The following KANK2 variants were observed in gnomAD, a reference collection of about 807,000 sequenced individuals.
The protein encoded by KANK2 is KN motif and ankyrin repeat domains 2.
KANK2 carries 41 observed loss-of-function variants against 74.6 expected under a neutral mutation model. The observed-to-expected ratio is 0.55, with a 90% CI of 0.43 to 0.71. The LOEUF is 0.71. Ranked by LOEUF, KANK2 falls within the 30% of genes least tolerant of loss-of-function variation. The pLI is 0.00. For missense variants in KANK2, 1,148 were observed against 1,196.4 expected (o/e 0.96, Z 0.60); for synonymous variants, 537 against 519.0 (o/e 1.03, Z -0.47).
intron 4 of KANK2, among the ~76,000 whole-genome samples, chr19:11,179,153 T>G (rs2078437734): frequency 6.6e-6 from 1 of 150,970 alleles, no homozygotes; most frequent in African/African-American, 2.4e-5. Context: ...CCGTCTCCAC[T>G]AAAAATAGAA....
In KANK2 at chr19:11,193,707, C is replaced by T. The variant is rs1159338225; in HGVS notation, c.373G>A (p.Glu125Lys). 1.2e-6 allele frequency: 2 copies of T among 1,611,944 alleles called. No homozygotes were observed. The highest frequency in any genetic ancestry group is 3.3e-5 in the Admixed American group (2 of 60,002). The change falls in exon 4 of 13, where the codon GAG becomes AAG. Residue 125 changes from glutamate to lysine, a missense_variant. By Grantham distance (56) the Glu-to-Lys change is moderately conservative (BLOSUM62 1). Coordinates refer to ENST00000586659, the MANE Select transcript of KANK2 (RefSeq NM_001136191.3). The surrounding 1 kb of genome is among the most constrained non-coding windows in gnomAD (Gnocchi z 9.6). ...CGACGGGCATCCAGCAGCGTGCGCT[C>T]CACCCGCGGATTGAAGCCACCGCGG... is the stretch of plus-strand genomic sequence containing the variant. ...ETRGGFNPRV[E>K]RTLLDARRRL...
At chr19:11,167,933 T>C (rs2078067700) in intron 12 of KANK2, among the ~76,000 whole-genome samples, 1 of 151,800 alleles carries the variant, frequency 6.6e-6, no homozygotes, top group Non-Finnish European at 1.5e-5. Context: ...CTTCTCCAGG[T>C]GTTGACTCAA....
chr19:11,192,789 C>A (rs749955357), intron 4 of KANK2, 42 bp downstream of exon 4: 9 of 1,576,638 alleles, frequency 5.7e-6, no homozygotes, highest in South Asian at 2.2e-5. Flanking sequence ...AGAGGCCCCC[C>A]CCCCCCAAGC....
chr19:11,178,798 G>A, intron 4 of KANK2, 78 bp from the exon 5 acceptor site: 2 of 1,349,288 alleles, frequency 1.5e-6, no homozygotes, highest in Non-Finnish European at 2.0e-6. Flanking sequence ...ATACACCCTG[G>A]GCCAGGAGCT....
Position 11,170,624 on chromosome 19 carries a change from C to A in KANK2, c.2212-376G>T, listed in dbSNP as rs2078147627. ...TTTATTTTAGAGACAGGGTCTTGCT[C>A]TGTTGCCCAGGTTGGCGTGCAGTGG... On this transcript the variant is annotated intron_variant, in intron 10 of 12. Transcript: ENST00000586659. This position sits in a 1 kb window ranked among gnomAD's most constrained non-coding sequence, Gnocchi z 5.2. 6.6e-6 allele frequency among the ~76,000 whole-genome samples: 1 copy of A among 152,226 alleles called. No homozygotes were observed. Among genetic ancestry groups the A allele is most frequent in the South Asian group, 2.1e-4 (1 of 4,830 alleles).
chr19:11,180,416 T>C (rs1002855982), intron 4 of KANK2, among the ~76,000 whole-genome samples: 3 of 151,870 alleles, frequency 2.0e-5, no homozygotes, highest in African/African-American at 7.3e-5. Context: ...TTTTTTGCCA[T>C]ATACAGTGAC....
At chr19:11,175,641 C>T (rs1459011299) in intron 8 of KANK2, among the ~76,000 whole-genome samples, 1 of 150,600 alleles carries the variant, frequency 6.6e-6, no homozygotes, top group African/African-American at 2.4e-5. Flanking sequence ...ATCTGGGTGC[C>T]CCGCCCCTGA....
chr19:11,170,005 T>C lies in KANK2; in HGVS notation c.2413-39A>G, dbSNP rs1237891374. ...GGTGCTATGAATGACGTCCCCATGC[T>C]GTGCTCCCGCCCTCCCCGGGGTGCA... On this transcript the variant is annotated intron_variant, in intron 11 of 12. Coordinates refer to ENST00000586659, the MANE Select transcript of KANK2 (RefSeq NM_001136191.3). This position sits in a 1 kb window ranked among gnomAD's most constrained non-coding sequence, Gnocchi z 5.2. 6 of 1,612,226 alleles carry C rather than the reference T, an allele frequency of 3.7e-6. No homozygotes were observed. Among genetic ancestry groups the C allele is most frequent in the African/African-American group, 1.3e-5 (1 of 74,922 alleles).
At chr19:11,178,214 T>C in intron 6 of KANK2, 131 bp downstream of exon 6, 1 of 709,246 alleles carries the variant, frequency 1.4e-6, no homozygotes, top group Admixed American at 4.3e-5. Context: ...CTCATCTCTG[T>C]GTTGTGGTTT....
In KANK2 at chr19:11,174,819, G is replaced by A. The variant is rs189691018; in HGVS notation, c.1849-127C>T. On this transcript the variant is annotated intron_variant, in intron 8 of 12. Transcript: ENST00000586659. ...CCTGGAAAACGATCTCAAGGGAAGT[G>A]CAGACCCTCCCAAAGGGAAGTGTAG... is the stretch of plus-strand genomic sequence containing the variant. The A allele has an allele frequency of 3.6e-3, 2,614 of 719,966 alleles. 5 individuals are homozygous for A. Among genetic ancestry groups the A allele is most frequent in the Non-Finnish European group, 5.0e-3 (2,094 of 422,858 alleles). 44.6% of individuals were successfully genotyped at this position (719,966 alleles called of 1,614,324 possible).
intron 2 of KANK2, 152 bp from the exon 3 acceptor site, chr19:11,194,742 G>A: frequency 2.1e-6 from 1 of 474,418 alleles, no homozygotes; most frequent in Non-Finnish European, 3.9e-6. Flanking sequence ...CTGCGGAAGG[G>A]CCCCCCCCGA....
chr19:11,173,325 A>C (rs2078233115), intron 9 of KANK2, among the ~76,000 whole-genome samples: 1 of 152,014 alleles, frequency 6.6e-6, no homozygotes, highest in South Asian at 2.1e-4. Context: ...CCTCCATCAG[A>C]TTTGGGGCCC....
rs377011452 is a variant in KANK2 at position 11,176,829 on chromosome 19, C to A, written c.1521-12G>T. The A allele has an allele frequency of 2.3e-5, 34 of 1,493,248 alleles. No homozygotes were observed. The African/African-American group carries it at 3.9e-4, about 17-fold the overall frequency. 92.5% of individuals were successfully genotyped at this position (1,493,248 alleles called of 1,614,324 possible). ...ATGACGACTCATACCTGGGGAGGAA[C>A]GAGCGGGGAGGGGGAGATGCTGCAG... On this transcript the variant is annotated splice_polypyrimidine_tract_variant and intron_variant, in intron 6 of 12. Transcript: ENST00000586659.
At position 11,170,339 on chromosome 19, in the gene KANK2, C is replaced by G; in HGVS notation, c.2212-91G>C. On this transcript the variant is annotated intron_variant, in intron 10 of 12. Coordinates refer to ENST00000586659, the MANE Select transcript of KANK2 (RefSeq NM_001136191.3). The surrounding 1 kb of genome is among the most constrained non-coding windows in gnomAD (Gnocchi z 5.2). ...GAACCTGCTGTAGCTCCCACATACTCTGATGGTGAAATGTACCCTCAACTT... is the reference window on the plus strand; with the variant it reads ...GAACCTGCTGTAGCTCCCACATACTGTGATGGTGAAATGTACCCTCAACTT... The G allele has an allele frequency of 5.0e-6, 5 of 1,004,010 alleles. No individual in the cohort carries two copies. Among genetic ancestry groups the G allele is most frequent in the Middle Eastern group, 3.0e-4 (1 of 3,348 alleles). The allele number at this position is 1,004,010 out of a possible 1,614,324, so 62.2% of individuals were successfully genotyped here.
rs59342063 is a variant in KANK2 at position 11,184,374 on chromosome 19, T to TCAAAAACAAAAA, written c.1250-5666_1250-5655dup. Among the ~76,000 whole-genome samples the TCAAAAACAAAAA allele has an allele frequency of 2.7e-5, 4 of 148,206 alleles. 1 individual carries two copies. The highest frequency in any genetic ancestry group is 2.1e-4 in the South Asian group (1 of 4,672). ...CTGGATGACAGAGCGAAACTCTGTCTCAAAAACAAAAACAAAAACAAAAAT... is the reference window on the plus strand; with the variant it reads ...CTGGATGACAGAGCGAAACTCTGTCTCAAAAACAAAAACAAAAACAAAAACAAAAACAAAAAT... On this transcript the variant is annotated intron_variant, in intron 4 of 12. Coordinates refer to ENST00000586659, the MANE Select transcript of KANK2 (RefSeq NM_001136191.3).
intron 9 of KANK2, among the ~76,000 whole-genome samples, chr19:11,173,403 C>G (rs2078234906): frequency 6.6e-6 from 1 of 152,136 alleles, no homozygotes; most frequent in Admixed American, 6.6e-5. Context: ...TTTGGAACAG[C>G]CATTTACCCT....
intron 4 of KANK2, 37 bp downstream of exon 4, chr19:11,192,794 C>CGG (rs58206854): frequency 1.3e-6 from 2 of 1,593,680 alleles, no homozygotes; most frequent in African/African-American, 1.4e-5. Context: ...CCCCCCCCCC[C>CGG]CAAGCCATTC....
At chr19:11,171,159 G>A (rs1375313563) in intron 10 of KANK2, among the ~76,000 whole-genome samples, 6 of 152,202 alleles carry the variant, frequency 3.9e-5, no homozygotes, top group African/African-American at 1.4e-4. Flanking sequence ...CACTTTGGGA[G>A]GCCGAGGTGG....
chr19:11,168,241 T>C lies in KANK2; in HGVS notation c.2503-1630A>G, dbSNP rs1303718256. On this transcript the variant is annotated intron_variant, in intron 12 of 12. Coordinates refer to ENST00000586659, the MANE Select transcript of KANK2 (RefSeq NM_001136191.3). ...CTGGTCTTGAACCCCTTATCTCAAA[T>C]CATCCGCCCACCTTGGCCTCCCAAA... 9.2e-5 allele frequency among the ~76,000 whole-genome samples: 14 copies of C among 151,738 alleles called. No homozygotes were observed. In the South Asian group the frequency reaches 2.7e-3, roughly 29 times the overall value.
Sources: allele counts gnomAD v4.1 joint callset (sites outside exome capture counted in the v4.1 genomes callset), GRCh38; gene constraint gnomAD v4.1.1; non-coding constraint Gnocchi (gnomAD v3.1); transcripts MANE v1.5; gene names NCBI Gene and HGNC (gene_info 2026-07-23, HGNC 2026-07-21).